Variants in GCSAML observed in about 807,000 individuals in gnomAD.
GCSAML encodes germinal center-associated signaling and motility-like protein.
Under a neutral mutation model 13.0 loss-of-function variants are expected in GCSAML, and 9 were observed. The ratio of observed to expected loss-of-function variants is 0.69; its 90% CI spans 0.42 to 1.21. The LOEUF is 1.21. Among genes scored for constraint, GCSAML ranks in the 50% most tolerant of loss-of-function variants. The pLI is 0.00. For synonymous variants in GCSAML, 37 were observed against 52.9 expected, an observed-to-expected ratio of 0.70 and a Z score of 1.31; for missense variants, 143 against 153.4, an observed-to-expected ratio of 0.93 and a Z score of 0.36.
chr1:247,551,246 A>G (rs1667767586), intron 1 of GCSAML, among the ~76,000 whole-genome samples: 2 of 152,194 alleles, frequency 1.3e-5, no homozygotes, highest in Admixed American at 6.5e-5. Flanking sequence ...TGCCATTTGG[A>G]TTGTGCTGTA....
chr1:247,544,752 G>A (rs911021966), upstream of GCSAML, among the ~76,000 whole-genome samples: 1 of 152,184 alleles, frequency 6.6e-6, no homozygotes, highest in African/African-American at 2.4e-5. Context: ...CTACTCGGGA[G>A]CCCAAGGCAG....
At chr1:247,520,711 T>G (rs1666384855) in intron 1 of GCSAML, among the ~76,000 whole-genome samples, 1 of 151,976 alleles carries the variant, frequency 6.6e-6, no homozygotes, top group South Asian at 2.1e-4. Context: ...TTCAAATTTC[T>G]TTTCTCATGT....
intron 4 of GCSAML, among the ~76,000 whole-genome samples, chr1:247,567,501 A>G (rs998255382): frequency 6.6e-6 from 1 of 152,214 alleles, no homozygotes; most frequent in Admixed American, 6.5e-5. Flanking sequence ...TGCAAAGACC[A>G]TAAACTTATT....
chr1:247,543,507 T>G (rs919105247), intron 2 of GCSAML, among the ~76,000 whole-genome samples: 3 of 152,290 alleles, frequency 2.0e-5, no homozygotes, highest in African/African-American at 7.2e-5. Flanking sequence ...TCCACTGAAC[T>G]GGGAGGGTCT....
At position 247,541,785 on chromosome 1, in the gene GCSAML, G is replaced by A. The variant is rs180881092; in HGVS notation, c.-147-7260G>A. On this transcript the variant is annotated intron_variant, in intron 2 of 5. Transcript: ENST00000366489. The stretch of plus-strand genomic sequence containing the variant: ...AGCACTTTGGGAAGCTGAGGTGGGC[G>A]GATCACTTGAGGTCAGGAGTTTGAG... 5.9e-5 allele frequency among the ~76,000 whole-genome samples: 9 copies of A among 152,182 alleles called. No individual in the cohort carries two copies. The East Asian group carries it at 1.7e-3, about 29-fold the overall frequency.
In GCSAML at chr1:247,563,605, A is replaced by G. The variant is rs140629777; in HGVS notation, c.105A>G (p.Thr35=). The change falls in exon 3 of 5, where the codon ACA becomes ACG. Residue 35 remains threonine, a synonymous_variant. Coordinates refer to ENST00000366488, the MANE Select transcript of GCSAML (RefSeq NM_145278.5). The stretch of plus-strand genomic sequence containing the variant: ...TTCCTTGTAGGCAGGAAATGACTAC[A>G]TTTGAAAGAAAACTTCAAGATCAAG... ...DEERKRQEMT[T]FERKLQDQDK... is the part of the protein sequence containing the mutation. 142 of 1,582,182 alleles carry G rather than the reference A, an allele frequency of 9.0e-5. No individual in the cohort carries two copies. Among genetic ancestry groups the G allele is most frequent in the Non-Finnish European group, 1.2e-4 (136 of 1,152,154 alleles).
intron 4 of GCSAML, among the ~76,000 whole-genome samples, chr1:247,570,994 G>T (rs562918433): frequency 2.0e-5 from 3 of 152,028 alleles, no homozygotes; most frequent in Non-Finnish European, 4.4e-5. Flanking sequence ...ATCTTTGTTG[G>T]TTTAAAGTCT....
intron 2 of GCSAML, among the ~76,000 whole-genome samples, chr1:247,534,564 G>C (rs1201668516): frequency 6.6e-6 from 1 of 152,232 alleles, no homozygotes; most frequent in East Asian, 1.9e-4. Flanking sequence ...GACAATTTCA[G>C]TGTGCTTCCG....
At chr1:247,532,701 A>G in intron 2 of GCSAML, 3 of 596,356 alleles carry the variant, frequency 5.0e-6, no homozygotes, top group Admixed American at 3.1e-5. Context: ...GGATCAAGCA[A>G]TCCTCCCACC....
chr1:247,550,842 C>A (rs549092170), intron 1 of GCSAML, among the ~76,000 whole-genome samples: 6 of 151,992 alleles, frequency 3.9e-5, no homozygotes, highest in Non-Finnish European at 7.4e-5. Flanking sequence ...CTAGGTAAGA[C>A]AATGGTCTTG....
chr1:247,572,193 C>T (rs981592983), intron 4 of GCSAML, among the ~76,000 whole-genome samples: 1 of 152,056 alleles, frequency 6.6e-6, no homozygotes, highest in African/African-American at 2.4e-5. Flanking sequence ...TTCTGAAGCC[C>T]ACCTCTGTCA....
At chr1:247,569,756 G>T (rs914191402) in intron 4 of GCSAML, among the ~76,000 whole-genome samples, 1 of 152,152 alleles carries the variant, frequency 6.6e-6, no homozygotes, top group East Asian at 1.9e-4. Flanking sequence ...TTCTTCTATT[G>T]TTTGGAATAG....
At chr1:247,573,043 G>C (rs1408174235) in intron 4 of GCSAML, among the ~76,000 whole-genome samples, 1 of 152,178 alleles carries the variant, frequency 6.6e-6, no homozygotes, top group East Asian at 1.9e-4. Context: ...AATGTCCCAG[G>C]TCGACTTCAG....
At chr1:247,556,537 G>GTC (rs1667958459) in intron 2 of GCSAML, 71 bp downstream of exon 2, 1 of 1,101,222 alleles carries the variant, frequency 9.1e-7, no homozygotes, top group African/African-American at 1.6e-5. Flanking sequence ...TACTTCCAGA[G>GTC]TCTCTGCCCC....
At chr1:247,518,423 C>A (rs1220613286) in intron 1 of GCSAML, 1 of 152,368 alleles carries the variant, frequency 6.6e-6, no homozygotes. Context: ...GCGGTCTCAG[C>A]GCCCGGCCTT....
chr1:247,553,223 T>C (rs1254102614), intron 1 of GCSAML, among the ~76,000 whole-genome samples: 1 of 152,210 alleles, frequency 6.6e-6, no homozygotes, highest in Non-Finnish European at 1.5e-5. Context: ...ATGAATGACA[T>C]TTTTTCCTAG....
intron 1 of GCSAML, among the ~76,000 whole-genome samples, chr1:247,517,827 G>A (rs1666265511): frequency 1.3e-5 from 2 of 152,194 alleles, no homozygotes; most frequent in African/African-American, 2.4e-5. Flanking sequence ...ACTGCAGCCT[G>A]TGAACCTCTC....
At chr1:247,510,616 T>G (rs983547542) in intron 1 of GCSAML, among the ~76,000 whole-genome samples, 1 of 151,824 alleles carries the variant, frequency 6.6e-6, no homozygotes, top group African/African-American at 2.4e-5. Flanking sequence ...AGATCTTTCC[T>G]GCTTTCTCCT....
At position 247,574,255 on chromosome 1, in the gene GCSAML, C is replaced by T. The variant is rs753703959; in HGVS notation, c.281C>T (p.Ser94Phe). The T allele has an allele frequency of 1.9e-6, 3 of 1,614,080 alleles. No individual in the cohort carries two copies. Among genetic ancestry groups the T allele is most frequent in the Non-Finnish European group, 2.5e-6 (3 of 1,179,994 alleles). ...SNDDGYENID[S>F]LTRKVRQFRE... is the part of the protein sequence containing the mutation. ...GATGATGGCTATGAGAACATTGACT[C>T]CCTCACAAGGAAAGTGAGACAGTTT... is the stretch of plus-strand genomic sequence containing the variant. The change falls in exon 5 of 5, where the codon TCC becomes TTC. Residue 94 changes from serine to phenylalanine, a missense_variant. Ser to Phe is a radical substitution (Grantham distance 155). Coordinates refer to ENST00000366488, the MANE Select transcript of GCSAML (RefSeq NM_145278.5).
Sources: gnomAD v4.1 joint callset for allele counts (sites outside exome capture counted in the v4.1 genomes callset) on GRCh38, gnomAD v4.1.1 for gene constraint, MANE v1.5 for transcripts, NCBI Gene and HGNC (gene_info 2026-07-23, HGNC 2026-07-21) for gene names.